Variants in GPR83 observed in about 807,000 individuals in gnomAD.
The protein encoded by GPR83 is G protein-coupled receptor 83, also known as G-protein coupled receptor 72.
Under a neutral mutation model 28.0 loss-of-function variants are expected in GPR83, and 23 were observed. The ratio of observed to expected loss-of-function variants is 0.82; its 90% CI spans 0.59 to 1.16. GPR83 has a LOEUF of 1.16. GPR83 is among the 50% of genes most tolerant of loss of function. The pLI, the probability that GPR83 is intolerant of heterozygous loss-of-function variation, is 0.00. For synonymous variants in GPR83, 234 were observed against 215.4 expected (o/e 1.09, Z -0.76); for missense variants, 610 against 536.6 (o/e 1.14, Z -1.35).
chr11:94,397,460 G>A (rs1326219539), intron 1 of GPR83, among the ~76,000 whole-genome samples: 2 of 152,192 alleles, frequency 1.3e-5, no homozygotes, highest in Non-Finnish European at 1.5e-5. Context: ...GATGGGAGTG[G>A]GCAGAGGCAC....
rs141806659 is a variant in GPR83 at position 94,401,227 on chromosome 11, C to T, written c.21G>A (p.Leu7=). 2 of 1,609,490 alleles carry T rather than the reference C, an allele frequency of 1.2e-6. No homozygotes were observed. Among genetic ancestry groups the T allele is most frequent in the African/African-American group, 2.7e-5 (2 of 74,762 alleles). The part of the protein sequence containing the change: MVPHLL[L]LCLLPLVRAT... Reference sequence around the variant, plus strand: ...CTCGCACCAAGGGGAGGAGACAGAGCAGCAAGAGGTGAGGGACCATTTTGC... The same window carrying T: ...CTCGCACCAAGGGGAGGAGACAGAGTAGCAAGAGGTGAGGGACCATTTTGC... Residue 7 remains leucine, a synonymous_variant, in exon 1 of 4, where the codon CTG becomes CTA. Coordinates refer to ENST00000243673, the MANE Select transcript of GPR83 (RefSeq NM_016540.4).
At chr11:94,392,143 G>A (rs865869581) in intron 3 of GPR83, among the ~76,000 whole-genome samples, 21 of 152,034 alleles carry the variant, frequency 1.4e-4, no homozygotes, top group East Asian at 3.8e-4. Context: ...CTATGCAGCC[G>A]TAAAAAAGGA....
At chr11:94,388,468 A>C (rs1465424471) in intron 3 of GPR83, among the ~76,000 whole-genome samples, 1 of 152,182 alleles carries the variant, frequency 6.6e-6, no homozygotes, top group Non-Finnish European at 1.5e-5. Flanking sequence ...AAGCAACTTC[A>C]GCAAAGTCTC....
At chr11:94,387,838 A>G (rs1325320447) in intron 3 of GPR83, among the ~76,000 whole-genome samples, 2 of 152,220 alleles carry the variant, frequency 1.3e-5, no homozygotes, top group African/African-American at 4.8e-5. Flanking sequence ...TGAGGCCAGC[A>G]TCGTCCTGAT....
intron 3 of GPR83, among the ~76,000 whole-genome samples, chr11:94,391,012 C>T (rs1944811493): frequency 6.6e-6 from 1 of 152,162 alleles, no homozygotes; most frequent in Non-Finnish European, 1.5e-5. Context: ...GCCCGCATTG[C>T]CAAGACATTC....
chr11:94,400,832 G>A (rs759998134), intron 1 of GPR83, 29 bp downstream of exon 1: 15 of 1,604,844 alleles, frequency 9.3e-6, no homozygotes, highest in Non-Finnish European at 1.3e-5. Flanking sequence ...GAAGACAGAA[G>A]GTGGGGCGGC....
At chr11:94,385,567 C>A (rs1488145715) in intron 3 of GPR83, among the ~76,000 whole-genome samples, 3 of 152,072 alleles carry the variant, frequency 2.0e-5, no homozygotes, top group African/African-American at 4.8e-5. Context: ...GCCTCAGTAA[C>A]CAATGTGATC....
At position 94,380,195 on chromosome 11, in the gene GPR83, C is replaced by G; in HGVS notation, c.1226G>C (p.Gly409Ala). The G allele has an allele frequency of 6.6e-7, 1 of 1,520,150 alleles. No homozygotes were observed. Among genetic ancestry groups the G allele is most frequent in the Non-Finnish European group, 8.8e-7 (1 of 1,136,124 alleles). 94.2% of individuals were successfully genotyped at this position (1,520,150 alleles called of 1,614,324 possible). The change falls in exon 4 of 4, where the codon GGG (glycine) becomes GCG (alanine). Residue 409 changes from glycine (G) to alanine (A), a missense_variant. Gly to Ala is a moderately conservative substitution (Grantham distance 60, BLOSUM62 0). Transcript: ENST00000243673. ...NLLPTSQLQS[G>A]KTDLSSVEPI... ...TTCCACAGATGACAGGTCTGTCTTC[C>G]CAGACTGGAGTTGGGAGGTGGGCAG... is the stretch of plus-strand genomic sequence containing the variant.
intron 3 of GPR83, among the ~76,000 whole-genome samples, chr11:94,388,878 G>A (rs372660171): frequency 1.3e-4 from 19 of 151,988 alleles, no homozygotes; most frequent in South Asian, 1.0e-3. Flanking sequence ...CAATCCTAAG[G>A]CAAAAGAACA....
At chr11:94,390,335 A>G (rs538639488) in intron 3 of GPR83, among the ~76,000 whole-genome samples, 1 of 152,260 alleles carries the variant, frequency 6.6e-6, no homozygotes, top group Admixed American at 6.5e-5. Context: ...AAAAAAAAAG[A>G]AAGATTTATG....
At chr11:94,384,881 G>A (rs1253901987) in intron 3 of GPR83, among the ~76,000 whole-genome samples, 1 of 152,228 alleles carries the variant, frequency 6.6e-6, no homozygotes, top group East Asian at 1.9e-4. Context: ...CTTGAGATCT[G>A]AGAACGGATA....
intron 3 of GPR83, among the ~76,000 whole-genome samples, chr11:94,390,904 T>G (rs1240492078): frequency 1.3e-5 from 2 of 152,174 alleles, no homozygotes; most frequent in Non-Finnish European, 2.9e-5. Context: ...CTGCTCAAAG[T>G]AATTTATAGG....
intron 3 of GPR83, among the ~76,000 whole-genome samples, chr11:94,387,062 T>A (rs1944765007): frequency 1.3e-5 from 2 of 152,200 alleles, no homozygotes; most frequent in African/African-American, 4.8e-5. Flanking sequence ...TTGAACAACC[T>A]GCTCCTGAAT....
At position 94,401,323 on chromosome 11, in the gene GPR83, G is replaced by A; in HGVS notation, c.-76C>T. 7.0e-7 allele frequency: 1 copy of A among 1,419,310 alleles called. No individual in the cohort carries two copies. Among genetic ancestry groups the A allele is most frequent in the South Asian group, 1.4e-5 (1 of 71,344 alleles). The allele number at this position is 1,419,310 out of a possible 1,614,324, so 87.9% of individuals were successfully genotyped here. A position where few individuals can be genotyped will look rare whatever the true frequency, so the allele number is the denominator to read the frequency against. ...CCGCTGGGATCGGAGCGCGCAGCCG[G>A]GGTGCGGGGCGCACAGCATACAAGG... On this transcript the variant is annotated 5_prime_UTR_variant, in exon 1 of 4. Transcript: ENST00000243673.
chr11:94,392,690 A>C (rs1447937000), intron 3 of GPR83, among the ~76,000 whole-genome samples: 1 of 151,922 alleles, frequency 6.6e-6, no homozygotes, highest in African/African-American at 2.4e-5. Context: ...GCTAGGCATG[A>C]TGGTGCGTGC....
At chr11:94,385,329 T>C (rs918653021) in intron 3 of GPR83, among the ~76,000 whole-genome samples, 6 of 152,048 alleles carry the variant, frequency 3.9e-5, no homozygotes, top group South Asian at 2.1e-4. Context: ...TCACCAGCAA[T>C]GGAAAAAAGC....
At chr11:94,391,222 G>A (rs1277081538) in intron 3 of GPR83, among the ~76,000 whole-genome samples, 1 of 152,046 alleles carries the variant, frequency 6.6e-6, no homozygotes, top group Non-Finnish European at 1.5e-5. Flanking sequence ...ACACAATGAG[G>A]GAAAGAGTCC....
chr11:94,390,456 T>C lies in GPR83; in HGVS notation c.647+3029A>G, dbSNP rs187991120. On this transcript the variant is annotated intron_variant, in intron 3 of 3. Transcript: ENST00000243673. ...CTCACCACTCCTATTCAACGTAGTA[T>C]TGGAAGTTTTGGCCAGGGCAATCAG... Among the ~76,000 whole-genome samples the C allele has an allele frequency of 2.6e-4, 40 of 152,244 alleles. No homozygotes were observed. The East Asian group carries it at 7.3e-3, about 28-fold the overall frequency.
At chr11:94,392,036 C>A (rs370585922) in intron 3 of GPR83, among the ~76,000 whole-genome samples, 1 of 151,942 alleles carries the variant, frequency 6.6e-6, no homozygotes, top group African/African-American at 2.4e-5. Flanking sequence ...ATGTTTATTG[C>A]GGCACTATTC....
Sources: allele counts gnomAD v4.1 joint callset (sites outside exome capture counted in the v4.1 genomes callset), GRCh38; gene constraint gnomAD v4.1.1; transcripts MANE v1.5; gene names NCBI Gene and HGNC (gene_info 2026-07-23, HGNC 2026-07-21).